Variants in PFKP observed in about 807,000 individuals in gnomAD.
PFKP encodes phosphofructokinase, platelet.
PFKP carries 101 observed loss-of-function variants against 94.3 expected under a neutral mutation model. The observed-to-expected ratio is 1.07, with a 90% CI of 0.91 to 1.26. The LOEUF is 1.26. Ranked by LOEUF, PFKP falls within the 50% of genes most tolerant of loss-of-function variation. PFKP has a pLI of 0.00. For missense variants in PFKP, 1,145 were observed against 1,103.3 expected (o/e 1.04, Z -0.53); for synonymous variants, 573 against 432.6 (o/e 1.32, Z -4.03).
chr10:3,105,792 G>C (rs1298080831), intron 7 of PFKP, among the ~76,000 whole-genome samples: 1 of 152,178 alleles, frequency 6.6e-6, no homozygotes, highest in Non-Finnish European at 1.5e-5. Context: ...GGCACTGTTG[G>C]CTCCAGGCTC....
intron 2 of PFKP, among the ~76,000 whole-genome samples, chr10:3,083,918 C>T (rs566044052): frequency 6.6e-6 from 1 of 152,324 alleles, no homozygotes; most frequent in South Asian, 2.1e-4. Flanking sequence ...GCTGGGATTA[C>T]AGGTGTGAGC....
At chr10:3,127,929 T>A (rs1262216194) in intron 16 of PFKP, among the ~76,000 whole-genome samples, 2 of 152,220 alleles carry the variant, frequency 1.3e-5, no homozygotes, top group Non-Finnish European at 2.9e-5. Context: ...CACTTTTAGA[T>A]TTCATCCGAA....
intron 19 of PFKP, among the ~76,000 whole-genome samples, chr10:3,133,718 A>C (rs955592655): frequency 6.6e-6 from 1 of 152,194 alleles, no homozygotes; most frequent in Non-Finnish European, 1.5e-5. Flanking sequence ...GGCCTGAGCC[A>C]CTGTGCCCAG....
chr10:3,131,398 TC>T (rs559330441), intron 17 of PFKP, among the ~76,000 whole-genome samples: 372 of 152,310 alleles, frequency 2.4e-3, no homozygotes, highest in African/African-American at 8.0e-3. Context: ...TATCCAAAGA[TC>T]CTGCCTCACC....
chr10:3,111,101 C>G (rs993240501), intron 10 of PFKP, among the ~76,000 whole-genome samples: 2 of 148,250 alleles, frequency 1.3e-5, no homozygotes, highest in African/African-American at 5.0e-5. Context: ...TGCATGTATG[C>G]TTATATGCAT....
chr10:3,134,434 A>C (rs1222690941), intron 19 of PFKP, 49 bp from the exon 20 acceptor site: 1 of 1,018,804 alleles, frequency 9.8e-7, no homozygotes, highest in Non-Finnish European at 1.5e-6. Context: ...ATTTAACAGC[A>C]AAGTGTTACT....
At chr10:3,131,172 A>G (rs4611105) in intron 17 of PFKP, among the ~76,000 whole-genome samples, 103,554 of 152,022 alleles carry the variant, frequency 0.68, 35,330 homozygotes, top group East Asian at 0.74. Flanking sequence ...GCTTTTCTAC[A>G]TCTAGACATG....
intron 1 of PFKP, among the ~76,000 whole-genome samples, chr10:3,079,336 G>T (rs191674364): frequency 2.0e-5 from 3 of 151,860 alleles, no homozygotes; most frequent in Non-Finnish European, 4.4e-5. Context: ...CCGGGTTCAC[G>T]CCATTCTCCT....
chr10:3,098,972 C>T (rs1473169311), intron 2 of PFKP, among the ~76,000 whole-genome samples: 1 of 152,152 alleles, frequency 6.6e-6, no homozygotes, highest in Non-Finnish European at 1.5e-5. Context: ...CCCCTTTCAA[C>T]CTCTAGCGAA....
chr10:3,135,693 A>T (rs750674723), intron 20 of PFKP, 43 bp from the exon 21 acceptor site: 2 of 1,218,992 alleles, frequency 1.6e-6, no homozygotes, highest in Admixed American at 3.4e-5. Flanking sequence ...CCACCTGCCC[A>T]TGTTGACAGG....
chr10:3,068,606 A>T (rs1026868186), intron 1 of PFKP: 63 of 939,138 alleles, frequency 6.7e-5, no homozygotes, highest in Non-Finnish European at 7.9e-5. Context: ...GGGCCCACGG[A>T]CGCGGGCGCG....
chr10:3,120,897 AC>A, intron 16 of PFKP, among the ~76,000 whole-genome samples: 1 of 152,264 alleles, frequency 6.6e-6, no homozygotes, highest in Non-Finnish European at 1.5e-5. Flanking sequence ...GAAGATCCGT[AC>A]CTAACACAGA....
At position 3,081,552 on chromosome 10, in the gene PFKP, G is replaced by A. The variant is rs116599495; in HGVS notation, c.113-836G>A. Among the ~76,000 whole-genome samples the A allele has an allele frequency of 3.5e-3, 533 of 152,302 alleles. 6 individuals are homozygous for A. Among genetic ancestry groups the A allele is most frequent in the African/African-American group, 0.012 (497 of 41,570 alleles). ...AGCAGCGCTGCATGGCTGTGGGTGC[G>A]GCCCTCGTGCCTTTTCACTCCTCTC... On this transcript the variant is annotated intron_variant, in intron 1 of 21. Coordinates refer to ENST00000381125, the MANE Select transcript of PFKP (RefSeq NM_002627.5).
chr10:3,120,494 T>G (rs1263984735), intron 16 of PFKP, among the ~76,000 whole-genome samples: 1 of 152,218 alleles, frequency 6.6e-6, no homozygotes, highest in Non-Finnish European at 1.5e-5. Context: ...TTTTATAATT[T>G]TATTCATTGC....
rs572735734 is a variant in PFKP at position 3,125,963 on chromosome 10, T to C, written c.1684-3856T>C. ...GGGTCACGTCCGTGACTTGGCCACC[T>C]GGTGCGAGGGACCCACAGCAAAGCA... is the stretch of plus-strand genomic sequence containing the variant. On this transcript the variant is annotated intron_variant, in intron 16 of 21. Transcript: ENST00000381125. Among the ~76,000 whole-genome samples the C allele has an allele frequency of 1.3e-4, 20 of 152,312 alleles. No homozygotes were observed. The South Asian group carries it at 3.1e-3, about 24-fold the overall frequency.
At chr10:3,068,806 G>A in intron 1 of PFKP, 1 of 568,536 alleles carries the variant, frequency 1.8e-6, no homozygotes, top group Non-Finnish European at 2.2e-6. Context: ...GGCTGGAGAC[G>A]CGGCGCGCCC....
At chr10:3,115,351 GCTGGAGTGAAGGTGTGTGTC>G (rs1836694720) in intron 13 of PFKP, among the ~76,000 whole-genome samples, 1 of 81,146 alleles carries the variant, frequency 1.2e-5, no homozygotes, top group Admixed American at 1.2e-4. Flanking sequence ...GACTGGGGAT[GCTGGAGTGAAGGTGTGTGTC>G]CCGCAGCTGA....
intron 2 of PFKP, among the ~76,000 whole-genome samples, chr10:3,089,323 G>A (rs1054841065): frequency 3.3e-5 from 5 of 152,200 alleles, no homozygotes; most frequent in Non-Finnish European, 7.3e-5. Flanking sequence ...ACGGTGTTGT[G>A]TTGTGGGCGT....
intron 9 of PFKP, 114 bp from the exon 10 acceptor site, chr10:3,109,241 G>A (rs1055612542): frequency 1.6e-5 from 22 of 1,374,648 alleles, no homozygotes; most frequent in African/African-American, 5.7e-5. Flanking sequence ...GGCTGGAAGC[G>A]GGAGGGGCTG....
Sources: gnomAD v4.1 joint callset for allele counts (sites outside exome capture counted in the v4.1 genomes callset) on GRCh38, gnomAD v4.1.1 for gene constraint, MANE v1.5 for transcripts, NCBI Gene and HGNC (gene_info 2026-07-23, HGNC 2026-07-21) for gene names.